MYOF: variants seen among roughly 807,000 people sequenced by gnomAD.
MYOF encodes the protein myoferlin.
MYOF carries 244 observed loss-of-function variants against 284.2 expected under a neutral mutation model. The observed-to-expected ratio is 0.86, with a 90% CI of 0.77 to 0.95. The LOEUF is 0.95. Ranked by LOEUF, MYOF falls within the 40% of genes least tolerant of loss-of-function variation. The pLI is 0.00. For synonymous variants in MYOF, 904 were observed against 919.7 expected, an observed-to-expected ratio of 0.98 and a Z score of 0.31; for missense variants, 2,496 against 2,560.6, an observed-to-expected ratio of 0.97 and a Z score of 0.54.
chr10:93,329,777 A>G lies in MYOF; in HGVS notation c.4869T>C (p.Tyr1623=), dbSNP rs1302477352. Residue 1623 remains tyrosine (Y), a synonymous_variant, in exon 44 of 54, where the codon TAT becomes TAC. Transcript: ENST00000359263. Reference sequence around the variant, plus strand: ...CATCCCGGGTAAAGGTGTCATAATCATAGACAGAAATTTTCAGGTCTTTTT... The same window carrying G: ...CATCCCGGGTAAAGGTGTCATAATCGTAGACAGAAATTTTCAGGTCTTTTT... ...PQEKDLKISV[Y]DYDTFTRDEK... 1.2e-6 allele frequency: 2 copies of G among 1,614,222 alleles called. No individual in the cohort carries two copies. Among genetic ancestry groups the G allele is most frequent in the East Asian group, 2.2e-5 (1 of 44,884 alleles).
intron 12 of MYOF, 106 bp downstream of exon 12, chr10:93,401,312 G>T: frequency 6.8e-7 from 1 of 1,478,164 alleles, no homozygotes; most frequent in Non-Finnish European, 9.1e-7. Context: ...CCTTTCAGAA[G>T]AAAAACATAC....
Position 93,355,726 on chromosome 10 carries a change from G to A in MYOF, c.3305C>T (p.Thr1102Ile), listed in dbSNP as rs1844768209. The change falls in exon 31 of 54, where the codon ACT becomes ATT. Residue 1102 changes from threonine (T) to isoleucine (I), a missense_variant. Around this residue, in one of 3 missense-constraint regions of MYOF, gnomAD observed 2,436 missense variants for 2,480.7 expected, o/e 0.98. Transcript: ENST00000359263. Reference sequence around the variant, plus strand: ...GCTCTTCTCATCCCCATCTTCGGTAGTGTCTGCCCCCTGAAGTCAATTAAC... The same window carrying A: ...GCTCTTCTCATCCCCATCTTCGGTAATGTCTGCCCCCTGAAGTCAATTAAC... ...FKLEGALGAD[T>I]TEDGDEKSLE... 6.2e-7 allele frequency: 1 copy of A among 1,612,366 alleles called. No individual in the cohort carries two copies. Among genetic ancestry groups the A allele is most frequent in the Non-Finnish European group, 8.5e-7 (1 of 1,178,916 alleles).
chr10:93,434,811 A>T (rs1849042817), intron 3 of MYOF, among the ~76,000 whole-genome samples: 1 of 151,836 alleles, frequency 6.6e-6, no homozygotes, highest in South Asian at 2.1e-4. Context: ...TTACAGGAGT[A>T]TTTTTTTTCT....
chr10:93,308,027 G>A (rs1842199014), intron 53 of MYOF, among the ~76,000 whole-genome samples: 2 of 151,024 alleles, frequency 1.3e-5, no homozygotes, highest in Admixed American at 1.3e-4. Flanking sequence ...CAGATCACAT[G>A]AGGTCAGGAG....
At chr10:93,462,423 C>T (rs7902487) in intron 1 of MYOF, among the ~76,000 whole-genome samples, 137,866 of 152,116 alleles carry the variant, frequency 0.91, 62,692 homozygotes, top group East Asian at 1. Flanking sequence ...AAGCCTATGA[C>T]GTAGGCACTG....
At chr10:93,382,468 C>T (rs1846170955) in intron 19 of MYOF, among the ~76,000 whole-genome samples, 1 of 152,148 alleles carries the variant, frequency 6.6e-6, no homozygotes, top group South Asian at 2.1e-4. Context: ...AATAAGGAAA[C>T]TGGGTAAATT....
intron 1 of MYOF, among the ~76,000 whole-genome samples, chr10:93,462,472 C>T (rs2056906932): frequency 6.6e-6 from 1 of 152,058 alleles, no homozygotes; most frequent in Non-Finnish European, 1.5e-5. Flanking sequence ...AAAGAGAGCC[C>T]AGAATGGTTA....
intron 48 of MYOF, among the ~76,000 whole-genome samples, chr10:93,321,666 C>T (rs980996218): frequency 2.6e-5 from 4 of 151,934 alleles, no homozygotes; most frequent in Admixed American, 2.6e-4. Context: ...ATCATCCTAC[C>T]CTAGACTGCT....
Position 93,379,900 on chromosome 10 carries a change from T to C in MYOF, c.1964A>G (p.Asp655Gly). 6.2e-7 allele frequency: 1 copy of C among 1,614,134 alleles called. No individual in the cohort carries two copies. The highest frequency in any genetic ancestry group is 1.3e-5 in the African/African-American group (1 of 75,052). Residue 655 changes from aspartate (D) to glycine (G), a missense_variant, in exon 21 of 54, where the codon GAT becomes GGT. Around this residue, in one of 3 missense-constraint regions of MYOF, gnomAD observed 2,436 missense variants for 2,480.7 expected, o/e 0.98. Transcript: ENST00000359263. ...CATAGCTAGGAGAGTGTTCACCGCA[T>C]CCAGGCGATGACTAATATCCTCCCA... The part of the protein sequence containing the change: ...SYWEDISHRL[D>G]AVNTLLAMAE...
At position 93,319,871 on chromosome 10, in the gene MYOF, C is replaced by CT. The variant is rs1481411411; in HGVS notation, c.5598dup (p.Glu1867ArgfsTer7). The CT allele has an allele frequency of 1.2e-6, 2 of 1,613,958 alleles. No homozygotes were observed. Among genetic ancestry groups the CT allele is most frequent in the South Asian group, 2.2e-5 (2 of 91,060 alleles). On this transcript the variant is annotated frameshift_variant and splice_region_variant. Coordinates refer to ENST00000359263, the MANE Select transcript of MYOF (RefSeq NM_013451.4). LOFTEE classifies it high-confidence loss of function. ...TCCCAGCGGCATATTTCAGAGCTCA[C>CT]TTTTTTCGCAACGATACAGAGTTGT...
intron 11 of MYOF, among the ~76,000 whole-genome samples, chr10:93,401,949 G>A (rs1379152722): frequency 1.3e-5 from 2 of 152,114 alleles, no homozygotes; most frequent in East Asian, 3.8e-4. Flanking sequence ...AGTAGGTCAT[G>A]CTTTCTAGAT....
chr10:93,338,941 CAAAA>C (rs958518441), intron 39 of MYOF, among the ~76,000 whole-genome samples: 1 of 147,080 alleles, frequency 6.8e-6, no homozygotes, highest in Non-Finnish European at 1.5e-5. Flanking sequence ...AAAAAACAAA[CAAAA>C]AAACACAGAA....
intron 21 of MYOF, among the ~76,000 whole-genome samples, chr10:93,378,819 T>C (rs979110821): frequency 1.4e-4 from 21 of 151,234 alleles, no homozygotes; most frequent in Non-Finnish European, 2.8e-4. Context: ...TTCAAGTGAT[T>C]CTCCTGTCTC....
At chr10:93,457,465 G>A (rs1252891928) in intron 1 of MYOF, among the ~76,000 whole-genome samples, 3 of 152,170 alleles carry the variant, frequency 2.0e-5, no homozygotes, top group African/African-American at 4.8e-5. Context: ...ATTAGTAGAT[G>A]AAAACTTTCT....
intron 48 of MYOF, among the ~76,000 whole-genome samples, chr10:93,322,618 T>G (rs73315556): frequency 0.045 from 6,824 of 152,274 alleles, 528 homozygotes; most frequent in African/African-American, 0.16. Context: ...GAGAATAAAT[T>G]ACTTCCTTTG....
chr10:93,421,969 C>T (rs894008460), intron 5 of MYOF, among the ~76,000 whole-genome samples: 26 of 151,504 alleles, frequency 1.7e-4, no homozygotes, highest in African/African-American at 6.3e-4. Flanking sequence ...GAAAGTTTCT[C>T]TTAGCCAGAT....
intron 30 of MYOF, 108 bp downstream of exon 30, chr10:93,356,567 A>G (rs1428328742): frequency 1.7e-5 from 21 of 1,222,198 alleles, no homozygotes; most frequent in Non-Finnish European, 2.1e-5. Flanking sequence ...TTGCCATCTT[A>G]TAGTACCAGG....
At chr10:93,426,185 A>T (rs1246162748) in intron 4 of MYOF, 27 bp from the exon 5 acceptor site, 4 of 1,550,048 alleles carry the variant, frequency 2.6e-6, no homozygotes, top group Non-Finnish European at 3.5e-6. Flanking sequence ...CGTTGCAAAT[A>T]TTATCAGTGC....
chr10:93,316,893 C>A (rs1842636615), intron 49 of MYOF, 80 bp from the exon 50 acceptor site: 3 of 1,114,676 alleles, frequency 2.7e-6, no homozygotes, highest in Non-Finnish European at 4.0e-6. Flanking sequence ...AAGCCTGGGG[C>A]CTTTCTCTCC....
Sources: allele counts gnomAD v4.1 joint callset (sites outside exome capture counted in the v4.1 genomes callset), GRCh38; gene constraint gnomAD v4.1.1; regional missense constraint gnomAD v4.1.1; transcripts MANE v1.5; gene names NCBI Gene and HGNC (gene_info 2026-07-23, HGNC 2026-07-21).